MAF: variants seen among roughly 807,000 people sequenced by gnomAD.
MAF encodes the protein MAF bZIP transcription factor.
A neutral mutation model predicts 22.0 loss-of-function variants in MAF; 10 were observed. The observed-to-expected ratio is 0.45, with a 90% CI of 0.28 to 0.77. The LOEUF is 0.77. MAF is among the 30% of genes least tolerant of loss of function. The pLI is 0.12. For missense variants in MAF, 544 were observed against 548.4 expected (o/e 0.99, Z 0.08); for synonymous variants, 337 against 255.8 (o/e 1.32, Z -3.03).
chr16:79,236,012 C>T, the MAF span, among the ~76,000 whole-genome samples: 2 of 151,998 alleles, frequency 1.3e-5, no homozygotes, highest in Non-Finnish European at 2.9e-5. Context: ...CAGTCATATC[C>T]TGTGGAGCCC....
At chr16:79,598,026 T>TTC in intron 1 of MAF, 2 of 1,040,288 alleles carry the variant, frequency 1.9e-6, no homozygotes, top group Non-Finnish European at 2.3e-6. Flanking sequence ...AGGATTTTTT[T>TTC]CTCTATTTTA....
the MAF span, among the ~76,000 whole-genome samples, chr16:79,335,229 T>C: frequency 6.8e-6 from 1 of 147,348 alleles, no homozygotes; most frequent in Non-Finnish European, 1.5e-5. Flanking sequence ...TAGAATGAAA[T>C]AGAAATCAAT....
chr16:79,508,166 T>G, the MAF span, among the ~76,000 whole-genome samples: 2 of 152,200 alleles, frequency 1.3e-5, no homozygotes, highest in Non-Finnish European at 2.9e-5. Context: ...CCTGAGCCAC[T>G]GTGCAGGGGA....
chr16:79,396,664 G>A, the MAF span, among the ~76,000 whole-genome samples: 1 of 152,232 alleles, frequency 6.6e-6, no homozygotes, highest in Non-Finnish European at 1.5e-5. Flanking sequence ...AGGGGCAGAA[G>A]AATGCGTAGA....
the MAF span, among the ~76,000 whole-genome samples, chr16:79,293,894 G>T: frequency 1.3e-5 from 2 of 152,174 alleles, no homozygotes; most frequent in South Asian, 2.1e-4. Context: ...AGCAGGCTTT[G>T]TCTCTATCTG....
chr16:79,565,844 A>G, the MAF span, among the ~76,000 whole-genome samples: 1 of 152,204 alleles, frequency 6.6e-6, no homozygotes, highest in Admixed American at 6.5e-5. Context: ...CTATTCTGAA[A>G]TATTCCGAGG....
At chr16:79,261,920 TG>T in the MAF span, among the ~76,000 whole-genome samples, 158 of 152,288 alleles carry the variant, frequency 1.0e-3, no homozygotes, top group African/African-American at 3.6e-3. Context: ...TGGAGAGGGC[TG>T]GGAGAAGGAC....
At chr16:79,432,276 C>G in the MAF span, among the ~76,000 whole-genome samples, 40 of 152,088 alleles carry the variant, frequency 2.6e-4, no homozygotes, top group Non-Finnish European at 4.3e-4. Flanking sequence ...TTTCCTGAGG[C>G]CTCCCTAGCC....
chr16:79,209,910 G>T, the MAF span, among the ~76,000 whole-genome samples: 54,173 of 152,146 alleles, frequency 0.36, 12,418 homozygotes, highest in Non-Finnish European at 0.52. Context: ...ATTTCCATTA[G>T]ACTTGAGCCA....
intron 1 of MAF, chr16:79,596,433 G>A (rs1285056793): frequency 2.9e-5 from 31 of 1,054,390 alleles, no homozygotes; most frequent in Non-Finnish European, 3.4e-5. Flanking sequence ...TTTTAACGAG[G>A]TTGTTGGGCC....
intron 1 of MAF, chr16:79,597,642 G>C (rs1037822877): frequency 3.0e-5 from 31 of 1,021,470 alleles, no homozygotes; most frequent in East Asian, 6.5e-5. Context: ...TGGGAAGAAG[G>C]CTCTACGGTT....
the MAF span, among the ~76,000 whole-genome samples, chr16:79,425,120 A>T: frequency 2.0e-5 from 3 of 152,126 alleles, no homozygotes; most frequent in South Asian, 6.2e-4. Context: ...TCATCGTATT[A>T]ATTATTCTGT....
At chr16:79,595,812 C>T (rs753042688) in intron 1 of MAF, 6 of 1,056,706 alleles carry the variant, frequency 5.7e-6, no homozygotes, top group East Asian at 5.3e-5. Context: ...TGAATATTCA[C>T]GGTGAAATAT....
chr16:79,315,158 T>A, the MAF span, among the ~76,000 whole-genome samples: 2 of 152,182 alleles, frequency 1.3e-5, no homozygotes, highest in Non-Finnish European at 2.9e-5. Context: ...GGTTCTAGGA[T>A]CTGAGGACAT....
At chr16:79,213,074 A>T in the MAF span, among the ~76,000 whole-genome samples, 2 of 152,214 alleles carry the variant, frequency 1.3e-5, no homozygotes, top group Admixed American at 1.3e-4. Context: ...AGCTGTGCAG[A>T]AGCTCTTATC....
the MAF span, among the ~76,000 whole-genome samples, chr16:79,245,700 T>C: frequency 0.44 from 67,001 of 151,802 alleles, 15,368 homozygotes; most frequent in Non-Finnish European, 0.5. Context: ...AGCAGTCTCA[T>C]TACTGGGTAT....
At chr16:79,314,764 A>G in the MAF span, among the ~76,000 whole-genome samples, 2 of 152,112 alleles carry the variant, frequency 1.3e-5, no homozygotes, top group Non-Finnish European at 1.5e-5. Context: ...GGAGGCCCAG[A>G]TGATGTTTTG....
At chr16:79,294,656 A>G in the MAF span, among the ~76,000 whole-genome samples, 14 of 152,346 alleles carry the variant, frequency 9.2e-5, no homozygotes, top group African/African-American at 3.1e-4. Context: ...AATAGTTTAC[A>G]GAGGAAATTA....
At chr16:79,438,004 G>A in the MAF span, among the ~76,000 whole-genome samples, 5 of 152,208 alleles carry the variant, frequency 3.3e-5, no homozygotes, top group East Asian at 5.8e-4. Flanking sequence ...GGAAGCCGGG[G>A]CTACTACTGA....
Sources: gnomAD v4.1 joint callset for allele counts (sites outside exome capture counted in the v4.1 genomes callset) on GRCh38, gnomAD v4.1.1 for gene constraint, MANE v1.5 for transcripts, NCBI Gene and HGNC (gene_info 2026-07-23, HGNC 2026-07-21) for gene names.